OPHN1: variants seen among roughly 807,000 people sequenced by gnomAD.
The protein encoded by OPHN1 is oligophrenin 1.
Under a neutral mutation model 60.7 loss-of-function variants are expected in OPHN1, and 11 were observed. The observed-to-expected ratio is 0.18, with a 90% CI of 0.11 to 0.30. The LOEUF is 0.30. Among genes scored for constraint, OPHN1 ranks in the 10% least tolerant of loss-of-function variants. OPHN1 has a pLI of 1.00. For synonymous variants in OPHN1, 226 were observed against 222.6 expected (o/e 1.02, Z -0.14); for missense variants, 449 against 611.0 (o/e 0.73, Z 2.80).
At chrX:68,182,188 G>GTTTTTTTTTTTTTTTTTTT (rs397951860) in intron 15 of OPHN1, among the ~76,000 whole-genome samples, 1 of 46,133 alleles carries the variant, frequency 2.2e-5, no homozygotes, top group African/African-American at 8.3e-5. Flanking sequence ...AAGCTCTGTA[G>GTTTTTTTTTTTTTTTTTTT]TTTTTTTTTT....
intron 2 of OPHN1, among the ~76,000 whole-genome samples, chrX:68,384,117 TA>T (rs1160334533): frequency 8.9e-6 from 1 of 112,010 alleles, no homozygotes; most frequent in Non-Finnish European, 1.9e-5. Context: ...TTTCAACTTT[TA>T]AAAACTGGTC....
At position 68,355,702 on chromosome X, in the gene OPHN1, C is replaced by T. The variant is rs1056713693; in HGVS notation, c.155-56606G>A. 2.7e-5 allele frequency among the ~76,000 whole-genome samples: 3 copies of T among 111,759 alleles called. No individual in the cohort carries two copies. In the South Asian group the frequency reaches 1.1e-3, roughly 42 times the overall value. ...AAATTGCATATGCTTCCAAGAAAGA[C>T]AATCCTCAATGTTAGGTTTGTTTAC... On this transcript the variant is annotated intron_variant, in intron 2 of 24. Transcript: ENST00000355520.
intron 19 of OPHN1, among the ~76,000 whole-genome samples, chrX:68,093,741 C>T (rs887405010): frequency 9.0e-6 from 1 of 111,118 alleles, no homozygotes; most frequent in African/African-American, 3.3e-5. Flanking sequence ...ATGTCTTTTG[C>T]CCACTTTCTA....
chrX:68,186,481 A>T (rs2077463007), intron 15 of OPHN1, among the ~76,000 whole-genome samples: 1 of 110,365 alleles, frequency 9.1e-6, no homozygotes, highest in Non-Finnish European at 1.9e-5. Flanking sequence ...ACAGTAAAAA[A>T]AAAAAAAAGC....
chrX:68,138,727 A>AGT (rs1201250384), intron 15 of OPHN1, among the ~76,000 whole-genome samples: 1 of 112,432 alleles, frequency 8.9e-6, no homozygotes, highest in East Asian at 2.8e-4. Flanking sequence ...TCCTCACAAC[A>AGT]GTACTATGAA....
intron 16 of OPHN1, among the ~76,000 whole-genome samples, chrX:68,118,089 A>T (rs774564105): frequency 2.6e-4 from 29 of 111,918 alleles, no homozygotes; most frequent in Non-Finnish European, 5.5e-4. Flanking sequence ...AAGAAGGCCA[A>T]AGCTCCTGGG....
rs762177163 is a variant in OPHN1, at chrX:68,303,596, C to T, written c.155-4500G>A. On this transcript the variant is annotated intron_variant, in intron 2 of 24. Transcript: ENST00000355520. ...CCAGGAGGCGGAGGTTGCAGAGAGC[C>T]GAGATCACGCCATTGCACTCCAGCC... Among the ~76,000 whole-genome samples the T allele has an allele frequency of 2.7e-4, 29 of 107,271 alleles. No homozygotes were observed. In the East Asian group the frequency reaches 8.5e-3, roughly 31 times the overall value. The allele number at this position is 107,271 out of a possible 115,157, so 93.2% of individuals were successfully genotyped here. A position where few individuals can be genotyped will look rare whatever the true frequency, so the allele number is the denominator to read the frequency against.
At chrX:68,365,818 CT>C (rs11419921) in intron 2 of OPHN1, among the ~76,000 whole-genome samples, 86 of 97,015 alleles carry the variant, frequency 8.9e-4, no homozygotes, top group Middle Eastern at 5.2e-3. Flanking sequence ...CAATTATTCC[CT>C]TTTTTTTTTT....
At chrX:68,133,280 A>G in intron 15 of OPHN1, 1 of 626,239 alleles carries the variant, frequency 1.6e-6, no homozygotes, top group Non-Finnish European at 2.7e-6. Context: ...AATCGGAATA[A>G]TACGTGAGTG....
chrX:68,216,968 C>T (rs775455850), intron 6 of OPHN1, among the ~76,000 whole-genome samples: 3 of 112,029 alleles, frequency 2.7e-5, no homozygotes, highest in Non-Finnish European at 3.8e-5. Context: ...CAGCTCCCAG[C>T]GTGAGCGACG....
chrX:68,226,395 G>T (rs1042906862), intron 6 of OPHN1, among the ~76,000 whole-genome samples: 3 of 110,617 alleles, frequency 2.7e-5, no homozygotes. Context: ...CAAAGATACT[G>T]CTTGAGAAGA....
upstream of OPHN1, chrX:68,433,670 T>G (rs1390557528): frequency 1.0e-5 from 3 of 295,953 alleles, no homozygotes; most frequent in African/African-American, 8.2e-5. Flanking sequence ...CTGCTAAGAC[T>G]TCTTCCTGGT....
rs1239659098 is a variant in OPHN1 at position 68,155,400 on chromosome X, C to T, written c.1277-36068G>A. On this transcript the variant is annotated intron_variant, in intron 15 of 24. Transcript: ENST00000355520. The stretch of plus-strand genomic sequence containing the variant: ...TACTCCCCACATGTCTAGAGACAGA[C>T]CTGGTGGGAGGTGATTGGATCAGGG... 6.3e-5 allele frequency among the ~76,000 whole-genome samples: 7 copies of T among 111,696 alleles called. No individual in the cohort carries two copies. The Admixed American group carries it at 6.6e-4, about 11-fold the overall frequency.
chrX:68,095,800 AG>A lies in OPHN1; in HGVS notation c.1686+1069del, dbSNP rs199689718. ...CTATGAAGCTTATACCCCAGTGTGCAGGGCCATCTGTTGCAAGTGTACAAGA... is the reference window on the plus strand; with the variant it reads ...CTATGAAGCTTATACCCCAGTGTGCAGGCCATCTGTTGCAAGTGTACAAGA... On this transcript the variant is annotated intron_variant, in intron 19 of 24. Coordinates refer to ENST00000355520, the MANE Select transcript of OPHN1 (RefSeq NM_002547.3). 1.0e-3 allele frequency among the ~76,000 whole-genome samples: 111 copies of A among 111,412 alleles called. 1 individual carries two copies. The East Asian group carries it at 0.028, about 28-fold the overall frequency.
intron 2 of OPHN1, among the ~76,000 whole-genome samples, chrX:68,381,183 C>T (rs1003783735): frequency 2.7e-5 from 3 of 111,931 alleles, no homozygotes; most frequent in Non-Finnish European, 5.6e-5. Context: ...TTGTCAATGG[C>T]TGTCAGCTAT....
At chrX:68,430,689 T>C (rs1266895399) in intron 2 of OPHN1, among the ~76,000 whole-genome samples, 5 of 110,738 alleles carry the variant, frequency 4.5e-5, no homozygotes, top group Non-Finnish European at 1.9e-5. Flanking sequence ...CCAGGCGCAG[T>C]GGCACATGCC....
At chrX:68,202,707 G>C (rs1272778625) in intron 10 of OPHN1, among the ~76,000 whole-genome samples, 1 of 109,133 alleles carries the variant, frequency 9.2e-6, no homozygotes, top group Non-Finnish European at 1.9e-5. Flanking sequence ...ATGTTGGTCA[G>C]GGTGGTCTCG....
chrX:68,189,371 T>A (rs919305217), intron 15 of OPHN1, among the ~76,000 whole-genome samples: 1 of 112,082 alleles, frequency 8.9e-6, no homozygotes, highest in Non-Finnish European at 1.9e-5. Flanking sequence ...ATTTTTTTTT[T>A]ATACTTTAAG....
intron 2 of OPHN1, among the ~76,000 whole-genome samples, chrX:68,398,960 AGTGTGTGTGTGTGTGTGTGT>A (rs113103699): frequency 1.1e-5 from 1 of 95,221 alleles, no homozygotes; most frequent in East Asian, 3.4e-4. Flanking sequence ...AAACAAAAAA[AGTGTGTGTGTGTGTGTGTGT>A]GTGTGTGTGT....
Sources: allele counts gnomAD v4.1 joint callset (sites outside exome capture counted in the v4.1 genomes callset), GRCh38; gene constraint gnomAD v4.1.1; transcripts MANE v1.5; gene names NCBI Gene and HGNC (gene_info 2026-07-23, HGNC 2026-07-21).